The following FBXO10 variants were observed in gnomAD, a reference collection of about 807,000 sequenced individuals.
The protein encoded by FBXO10 is F-box protein 10.
A neutral mutation model predicts 80.7 loss-of-function variants in FBXO10; 39 were observed. The ratio of observed to expected loss-of-function variants is 0.48; its 90% CI spans 0.37 to 0.63. The LOEUF is 0.63. FBXO10 is among the 30% of genes least tolerant of loss of function. The probability of loss-of-function intolerance (pLI) is 0.00; values close to 1 mark genes in which losing one functional copy is unlikely to be tolerated. For missense variants in FBXO10, 1,025 were observed against 1,269.0 expected, an observed-to-expected ratio of 0.81 and a Z score of 2.92; for synonymous variants, 449 against 489.6, an observed-to-expected ratio of 0.92 and a Z score of 1.09.
Position 37,537,413 on chromosome 9 carries a change from G to A in FBXO10, c.1116C>T (p.Tyr372=), listed in dbSNP as rs763609200. 1.9e-6 allele frequency: 3 copies of A among 1,598,940 alleles called. No homozygotes were observed. Among genetic ancestry groups the A allele is most frequent in the South Asian group, 2.2e-5 (2 of 89,098 alleles). Residue 372 remains tyrosine (Y), a synonymous_variant, in exon 3 of 11, where the codon TAC becomes TAT. Transcript: ENST00000432825. ...GEDEDEDQLM[Y]RLSYQVQGPR... is the part of the protein sequence containing the mutation. ...GGCCCTGCACTTGGTAGGATAGTCT[G>A]TACATCAGCTGGTCCTCATCTTCAT...
chr9:37,522,216 G>T, intron 7 of FBXO10: 1 of 434,874 alleles, frequency 2.3e-6, no homozygotes, highest in Non-Finnish European at 3.2e-6. Context: ...GAGACCCTGA[G>T]CAGGTTACCA....
rs375802633 is a variant in FBXO10 at position 37,523,006 on chromosome 9, G to A, written c.1778-29C>T. The A allele has an allele frequency of 3.2e-6, 5 of 1,575,378 alleles. No individual in the cohort carries two copies. The African/African-American group carries it at 6.8e-5, about 21-fold the overall frequency. On this transcript the variant is annotated intron_variant, in intron 6 of 10. Coordinates refer to ENST00000432825, the MANE Select transcript of FBXO10 (RefSeq NM_012166.3). ...TGGAGAGAAGCAGAAAAGAAGGTCA[G>A]TACCCAAGGGCCAGCTCCAGTGCTG...
chr9:37,548,148 G>A (rs552621495), intron 1 of FBXO10, among the ~76,000 whole-genome samples: 1 of 152,308 alleles, frequency 6.6e-6, no homozygotes, highest in African/African-American at 2.4e-5. Context: ...GCTTTGGGAG[G>A]CCAGGGCGGG....
In FBXO10 at chr9:37,553,012, T is replaced by TTGTGTGTG. The variant is rs74171513; in HGVS notation, c.-6-11246_-6-11239dup. 1.8e-3 allele frequency among the ~76,000 whole-genome samples: 256 copies of TTGTGTGTG among 144,466 alleles called. 1 individual carries two copies. Among genetic ancestry groups the TTGTGTGTG allele is most frequent in the Middle Eastern group, 3.4e-3 (1 of 290 alleles). The allele number at this position is 144,466 out of a possible 152,430, so 94.8% of individuals were successfully genotyped here. The stretch of plus-strand genomic sequence containing the variant: ...AGACCACAGCAGTGACCAATTCAGG[T>TTGTGTGTG]TGTGTGTGTGTGTGTGTGTGTGTGT... On this transcript the variant is annotated intron_variant, in intron 1 of 10. Transcript: ENST00000432825.
intron 1 of FBXO10, among the ~76,000 whole-genome samples, chr9:37,554,532 G>C (rs1269700259): frequency 6.6e-6 from 1 of 152,120 alleles, no homozygotes; most frequent in Non-Finnish European, 1.5e-5. Flanking sequence ...GAATACTCCA[G>C]AAAGTTCTCT....
At chr9:37,554,213 C>T (rs958976391) in intron 1 of FBXO10, among the ~76,000 whole-genome samples, 2 of 152,196 alleles carry the variant, frequency 1.3e-5, no homozygotes, top group South Asian at 2.1e-4. Context: ...TAACTATACA[C>T]GTCTCAATTC....
chr9:37,528,147 T>C (rs921877132), intron 5 of FBXO10, among the ~76,000 whole-genome samples: 2 of 152,196 alleles, frequency 1.3e-5, no homozygotes, highest in African/African-American at 4.8e-5. Flanking sequence ...GCTCAGAGCC[T>C]TTAATGAGTC....
intron 1 of FBXO10, among the ~76,000 whole-genome samples, chr9:37,563,304 G>A (rs1822526530): frequency 6.6e-6 from 1 of 152,320 alleles, no homozygotes; most frequent in South Asian, 2.1e-4. Context: ...ACAGCAGCAT[G>A]AGAACAGACT....
chr9:37,557,052 A>C (rs1204110821), intron 1 of FBXO10, among the ~76,000 whole-genome samples: 1 of 152,212 alleles, frequency 6.6e-6, no homozygotes, highest in Non-Finnish European at 1.5e-5. Flanking sequence ...AGAAAAGACA[A>C]GGAGAGCATT....
At chr9:37,546,110 C>T (rs1822049081) in intron 1 of FBXO10, among the ~76,000 whole-genome samples, 1 of 151,544 alleles carries the variant, frequency 6.6e-6, no homozygotes, top group Non-Finnish European at 1.5e-5. Context: ...CACACCACTG[C>T]ACTCCAGCCA....
Position 37,552,047 on chromosome 9 carries a change from T to C in FBXO10, c.-6-10273A>G, listed in dbSNP as rs143037166. On this transcript the variant is annotated intron_variant, in intron 1 of 10. Transcript: ENST00000432825. ...ATAAGAAAGATAACCTTTCTTCCAA[T>C]TTCCAATACCTTGTTCCTCATTTCT... is the stretch of plus-strand genomic sequence containing the variant. 2.5e-3 allele frequency among the ~76,000 whole-genome samples: 375 copies of C among 152,334 alleles called. 1 individual carries two copies. The highest frequency in any genetic ancestry group is 8.5e-3 in the South Asian group (41 of 4,828).
At chr9:37,523,224 A>C (rs111985909) in intron 6 of FBXO10, among the ~76,000 whole-genome samples, 1 of 1,274 alleles carries the variant, frequency 7.8e-4, no homozygotes, top group African/African-American at 3.5e-3. Context: ...CCTACTATAC[A>C]CCCAATGGCC....
At chr9:37,529,357 C>A in intron 4 of FBXO10, 97 bp from the exon 5 acceptor site, 1 of 1,365,362 alleles carries the variant, frequency 7.3e-7, no homozygotes, top group Non-Finnish European at 1.0e-6. Context: ...AGGATGAACA[C>A]AGTGGAGAAA....
intron 1 of FBXO10, among the ~76,000 whole-genome samples, chr9:37,575,116 G>A (rs1822859855): frequency 6.6e-6 from 1 of 152,098 alleles, no homozygotes; most frequent in Admixed American, 6.5e-5. Flanking sequence ...AGCTCTGACA[G>A]TCAATCACCG....
intron 8 of FBXO10, among the ~76,000 whole-genome samples, chr9:37,520,395 T>C (rs1299720822): frequency 6.7e-6 from 1 of 148,376 alleles, no homozygotes; most frequent in East Asian, 2.0e-4. Flanking sequence ...AATACCGTGG[T>C]GCAATCACAC....
intron 1 of FBXO10, among the ~76,000 whole-genome samples, chr9:37,562,496 T>C (rs1321187066): frequency 2.6e-5 from 4 of 152,158 alleles, no homozygotes; most frequent in Non-Finnish European, 4.4e-5. Flanking sequence ...TAGGAGGAAA[T>C]TCCCTGTGGA....
chr9:37,532,415 C>A (rs1350436685), intron 3 of FBXO10, among the ~76,000 whole-genome samples: 1 of 152,030 alleles, frequency 6.6e-6, no homozygotes, highest in East Asian at 1.9e-4. Context: ...ATCCTCCCAC[C>A]TCAGCCTCCC....
At chr9:37,521,219 G>A (rs554765688) in intron 8 of FBXO10, among the ~76,000 whole-genome samples, 1 of 151,906 alleles carries the variant, frequency 6.6e-6, no homozygotes, top group Admixed American at 6.5e-5. Context: ...CCTGCCTGGC[G>A]GCCGCACCGT....
chr9:37,519,043 G>A (rs1821259842), intron 8 of FBXO10, among the ~76,000 whole-genome samples: 1 of 152,008 alleles, frequency 6.6e-6, no homozygotes, highest in African/African-American at 2.4e-5. Context: ...CTGAGTGGCT[G>A]GGACTACAGG....
Sources: allele counts gnomAD v4.1 joint callset (sites outside exome capture counted in the v4.1 genomes callset), GRCh38; gene constraint gnomAD v4.1.1; transcripts MANE v1.5; gene names NCBI Gene and HGNC (gene_info 2026-07-23, HGNC 2026-07-21).